The following SBNO2 variants were observed in gnomAD, a reference collection of about 807,000 sequenced individuals.
SBNO2 encodes protein strawberry notch homolog 2.
In SBNO2, 89 loss-of-function variants were observed where a neutral mutation model predicts 146.3. The observed-to-expected ratio is 0.61, with a 90% CI of 0.51 to 0.73. The LOEUF is 0.73. Among genes scored for constraint, SBNO2 ranks in the 30% least tolerant of loss-of-function variants. SBNO2 has a pLI of 0.00. For synonymous variants in SBNO2, 1,147 were observed against 892.6 expected (o/e 1.29, Z -5.08); for missense variants, 2,092 against 2,003.7 (o/e 1.04, Z -0.84).
In SBNO2 at chr19:1,150,927, G is replaced by C. The variant is rs1220058163; in HGVS notation, c.94-1485C>G. ...CTCCTCCAGCTTTTGCATAAAATAAGTTTATCAGCAAAAGCCCACAGCTCC... is the reference window on the plus strand; with the variant it reads ...CTCCTCCAGCTTTTGCATAAAATAACTTTATCAGCAAAAGCCCACAGCTCC... On this transcript the variant is annotated intron_variant, in intron 2 of 31. Transcript: ENST00000361757. The surrounding 1 kb of genome is among the most constrained non-coding windows in gnomAD (Gnocchi z 6.2). Among the ~76,000 whole-genome samples, 1 of 152,192 alleles carries C rather than the reference G, an allele frequency of 6.6e-6. No individual in the cohort carries two copies. The highest frequency in any genetic ancestry group is 1.9e-4 in the East Asian group (1 of 5,188).
At position 1,126,117 on chromosome 19, in the gene SBNO2, C is replaced by T. The variant is rs2079963114; in HGVS notation, c.441+1487G>A. The stretch of plus-strand genomic sequence containing the variant: ...CCTGCCTGAGCCCGGGCCGGGTTCT[C>T]GGCAGTGTGTGGGAGCCACCAGGCT... On this transcript the variant is annotated intron_variant, in intron 5 of 31. Transcript: ENST00000361757. The surrounding 1 kb of genome is among the most constrained non-coding windows in gnomAD (Gnocchi z 4.4). Among the ~76,000 whole-genome samples the T allele has an allele frequency of 1.3e-5, 2 of 152,210 alleles. No homozygotes were observed. The highest frequency in any genetic ancestry group is 4.8e-5 in the African/African-American group (2 of 41,466).
chr19:1,154,652 G>A (rs886160119), intron 1 of SBNO2, among the ~76,000 whole-genome samples: 1 of 152,200 alleles, frequency 6.6e-6, no homozygotes, highest in Non-Finnish European at 1.5e-5. Context: ...AACGATTAAG[G>A]TGGGCCCGAC....
rs368191789 is a variant in SBNO2, at chr19:1,171,259, A to T, written c.-127+2913T>A. 1.9e-3 allele frequency among the ~76,000 whole-genome samples: 283 copies of T among 152,238 alleles called. 2 individuals carry two copies. Among genetic ancestry groups the T allele is most frequent in the African/African-American group, 6.5e-3 (268 of 41,516 alleles). On this transcript the variant is annotated intron_variant, in intron 1 of 31. Coordinates refer to ENST00000361757, the MANE Select transcript of SBNO2 (RefSeq NM_014963.3). ...ACGCACCCACATCCGTACAACACAC[A>T]CACAGAACGCGCACACGTCCGTACG...
At chr19:1,164,915 G>GAGGAGGAGGAGGCAC in intron 1 of SBNO2, among the ~76,000 whole-genome samples, 1 of 131,154 alleles carries the variant, frequency 7.6e-6, no homozygotes, top group African/African-American at 2.7e-5. Context: ...GGAGGCACAG[G>GAGGAGGAGGAGGCAC]AGGAGGAGGA....
intron 2 of SBNO2, among the ~76,000 whole-genome samples, chr19:1,151,532 G>T (rs1419685723): frequency 6.6e-6 from 1 of 152,254 alleles, no homozygotes; most frequent in African/African-American, 2.4e-5. Flanking sequence ...GCCAATCAGA[G>T]TCTTCCCTGG....
chr19:1,127,820 C>T, intron 4 of SBNO2, 55 bp from the exon 5 acceptor site: 1 of 1,560,516 alleles, frequency 6.4e-7, no homozygotes, highest in Non-Finnish European at 8.8e-7. Context: ...CAAGGCCCCT[C>T]CACGCACTGG....
At chr19:1,130,936 G>A (rs1159135925) in intron 4 of SBNO2, among the ~76,000 whole-genome samples, 2 of 152,164 alleles carry the variant, frequency 1.3e-5, no homozygotes, top group African/African-American at 4.8e-5. Flanking sequence ...ATGAGCCCTC[G>A]AAGCCTTCAC....
chr19:1,154,157 T>C, intron 2 of SBNO2, 27 bp downstream of exon 2: 1 of 1,095,188 alleles, frequency 9.1e-7, no homozygotes, highest in Non-Finnish European at 1.1e-6. Context: ...CCCCGTCGGG[T>C]GGGCCGGGGC....
In SBNO2 at chr19:1,126,598, G is replaced by A. The variant is rs1343573310; in HGVS notation, c.441+1006C>T. Among the ~76,000 whole-genome samples the A allele has an allele frequency of 6.6e-6, 1 of 152,156 alleles. No homozygotes were observed. The highest frequency in any genetic ancestry group is 1.5e-5 in the Non-Finnish European group (1 of 68,014). ...GAGCCACCCACCGTGGCTGCGGGGT[G>A]CCCTGATGCTTCCTGCCTGGGCCCC... is the stretch of plus-strand genomic sequence containing the variant. On this transcript the variant is annotated intron_variant, in intron 5 of 31. Coordinates refer to ENST00000361757, the MANE Select transcript of SBNO2 (RefSeq NM_014963.3). This position sits in a 1 kb window ranked among gnomAD's most constrained non-coding sequence, Gnocchi z 4.4.
At position 1,112,326 on chromosome 19, in the gene SBNO2, C is replaced by A. The variant is rs748460000; in HGVS notation, c.2516-25G>T. 14 of 1,571,420 alleles carry A rather than the reference C, an allele frequency of 8.9e-6. No individual in the cohort carries two copies. The East Asian group carries it at 2.6e-4, about 29-fold the overall frequency. On this transcript the variant is annotated intron_variant, in intron 21 of 31. Transcript: ENST00000361757. The surrounding 1 kb of genome is among the most constrained non-coding windows in gnomAD (Gnocchi z 5.9). The stretch of plus-strand genomic sequence containing the variant: ...CCTGGGGGCAGAGCTGCTCTCAGGG[C>A]CCGGCCAGGCGGGGGCGGGGCCGAG...
rs773978607 is a variant in SBNO2 at position 1,158,524 on chromosome 19, C to T, written c.-126-4122G>A. ...AGGACCCAGGGCGCACGGCACACCC[C>T]AGAGCGCTCCGCCCAGGCCCGGGTT... On this transcript the variant is annotated intron_variant, in intron 1 of 31. Transcript: ENST00000361757. This position sits in a 1 kb window ranked among gnomAD's most constrained non-coding sequence, Gnocchi z 9.9. 6.6e-6 allele frequency among the ~76,000 whole-genome samples: 1 copy of T among 152,002 alleles called. No individual in the cohort carries two copies. Among genetic ancestry groups the T allele is most frequent in the African/African-American group, 2.4e-5 (1 of 41,368 alleles).
In SBNO2 at chr19:1,129,263, T is replaced by A. The variant is rs550200890; in HGVS notation, c.280-1498A>T. Among the ~76,000 whole-genome samples, 82 of 152,030 alleles carry A rather than the reference T, an allele frequency of 5.4e-4. 1 individual carries two copies. Among genetic ancestry groups the A allele is most frequent in the Non-Finnish European group, 1.0e-3 (70 of 67,958 alleles). Reference sequence around the variant, plus strand: ...GTCTGGGTGACACAGGGAGACTCCATCTCAAGAAAAACAAACAAAGAAAAA... The same window carrying A: ...GTCTGGGTGACACAGGGAGACTCCAACTCAAGAAAAACAAACAAAGAAAAA... On this transcript the variant is annotated intron_variant, in intron 4 of 31. Transcript: ENST00000361757.
intron 1 of SBNO2, among the ~76,000 whole-genome samples, chr19:1,163,688 C>A (rs1221263964): frequency 6.6e-6 from 1 of 152,242 alleles, no homozygotes; most frequent in Admixed American, 6.5e-5. Flanking sequence ...CACGCGCAGG[C>A]ACAGGCCAGG....
chr19:1,142,058 A>ACC (rs1357229555), intron 4 of SBNO2, among the ~76,000 whole-genome samples: 43 of 149,646 alleles, frequency 2.9e-4, no homozygotes, highest in African/African-American at 1.0e-3. Context: ...CTCACGATCA[A>ACC]CCCTCCCCTC....
chr19:1,123,278 C>G (rs1018073904), intron 7 of SBNO2, among the ~76,000 whole-genome samples: 2 of 152,004 alleles, frequency 1.3e-5, no homozygotes, highest in Non-Finnish European at 2.9e-5. Flanking sequence ...TGGTTGGGGG[C>G]GTGGCCAGCG....
intron 4 of SBNO2, among the ~76,000 whole-genome samples, chr19:1,131,597 C>G (rs905259789): frequency 6.6e-6 from 1 of 152,160 alleles, no homozygotes; most frequent in African/African-American, 2.4e-5. Flanking sequence ...AGGGATTTGC[C>G]GGCCTGCGCC....
chr19:1,165,144 G>A (rs552740365), intron 1 of SBNO2, among the ~76,000 whole-genome samples: 7 of 152,118 alleles, frequency 4.6e-5, no homozygotes, highest in Admixed American at 2.0e-4. Flanking sequence ...CCCGCCATGC[G>A]AGGGAGGACC....
At chr19:1,141,797 A>AT (rs745420216) in intron 4 of SBNO2, among the ~76,000 whole-genome samples, 8 of 151,836 alleles carry the variant, frequency 5.3e-5, no homozygotes, top group Non-Finnish European at 1.0e-4. Context: ...AATTTTTTCT[A>AT]TTTTTTATAC....
intron 1 of SBNO2, among the ~76,000 whole-genome samples, chr19:1,163,660 C>T (rs1172628577): frequency 1.3e-5 from 2 of 152,246 alleles, no homozygotes; most frequent in Non-Finnish European, 2.9e-5. Flanking sequence ...GGCCACCGCT[C>T]CCGAGCTTGG....
Sources: gnomAD v4.1 joint callset for allele counts (sites outside exome capture counted in the v4.1 genomes callset) on GRCh38, gnomAD v4.1.1 for gene constraint, Gnocchi (gnomAD v3.1) non-coding constraint, MANE v1.5 for transcripts, NCBI Gene and HGNC (gene_info 2026-07-23, HGNC 2026-07-21) for gene names.